The following ROBO2 variants were observed in gnomAD, a reference collection of about 807,000 sequenced individuals.
The protein encoded by ROBO2 is roundabout guidance receptor 2.
In ROBO2, 53 loss-of-function variants were observed where a neutral mutation model predicts 160.8. The observed-to-expected ratio is 0.33, with a 90% CI of 0.26 to 0.41. The LOEUF (loss-of-function observed/expected upper bound fraction) is 0.41, where lower values mean the gene tolerates loss of function less well. Ranked by LOEUF, ROBO2 falls within the 10% of genes least tolerant of loss-of-function variation. The pLI is 1.00. For synonymous variants in ROBO2, 664 were observed against 611.7 expected, an observed-to-expected ratio of 1.09 and a Z score of -1.26; for missense variants, 1,577 against 1,722.4, an observed-to-expected ratio of 0.92 and a Z score of 1.49.
At chr3:76,586,720 C>T (rs549322305) in intron 2 of ROBO2, among the ~76,000 whole-genome samples, 14 of 152,266 alleles carry the variant, frequency 9.2e-5, no homozygotes, top group African/African-American at 3.4e-4. Flanking sequence ...TTATTATTTC[C>T]TCTTGAGTGT....
chr3:76,967,930 A>G (rs942874225), intron 2 of ROBO2, among the ~76,000 whole-genome samples: 1 of 152,176 alleles, frequency 6.6e-6, no homozygotes, highest in African/African-American at 2.4e-5. Flanking sequence ...GCCACAAGAA[A>G]TGGATCTCAA....
chr3:77,590,793 C>CT lies in ROBO2; in HGVS notation c.2683+1868dup, dbSNP rs1014283225. On this transcript the variant is annotated intron_variant, in intron 17 of 25. Coordinates refer to ENST00000461745, the Ensembl canonical transcript of ROBO2. ...AAATTACACCAGAGAGACTTTTCTTCTTTTTTTTAACAGCAATTCTTTGCA... is the reference window on the plus strand; with the variant it reads ...AAATTACACCAGAGAGACTTTTCTTCTTTTTTTTTAACAGCAATTCTTTGCA... Among the ~76,000 whole-genome samples the CT allele has an allele frequency of 1.8e-4, 28 of 152,000 alleles. No homozygotes were observed. In the East Asian group the frequency reaches 4.8e-3, roughly 26 times the overall value.
chr3:77,499,671 C>T (rs532653179), intron 5 of ROBO2, among the ~76,000 whole-genome samples: 11 of 129,502 alleles, frequency 8.5e-5, no homozygotes, highest in African/African-American at 2.1e-4. Context: ...TTTTTTTTGA[C>T]GGAGTCTTAC....
At chr3:76,066,225 A>G (rs2068249709) in intron 2 of ROBO2, among the ~76,000 whole-genome samples, 3 of 152,182 alleles carry the variant, frequency 2.0e-5, no homozygotes, top group Non-Finnish European at 4.4e-5. Flanking sequence ...TGACATGCTA[A>G]TAACTCACTC....
intron 2 of ROBO2, among the ~76,000 whole-genome samples, chr3:76,534,617 C>T (rs2082396974): frequency 6.6e-6 from 1 of 152,110 alleles, no homozygotes. Flanking sequence ...AGCCTTCTAC[C>T]AACCAGCAGA....
intron 2 of ROBO2, among the ~76,000 whole-genome samples, chr3:76,900,853 T>C (rs2075168737): frequency 6.6e-6 from 1 of 152,202 alleles, no homozygotes; most frequent in African/African-American, 2.4e-5. Flanking sequence ...GGTGTTGAAC[T>C]GCTTCCTTTC....
intron 2 of ROBO2, among the ~76,000 whole-genome samples, chr3:76,144,333 TTAGC>T (rs1399085054): frequency 2.0e-5 from 3 of 152,054 alleles, no homozygotes; most frequent in Non-Finnish European, 4.4e-5. Flanking sequence ...TTGAAGTATT[TTAGC>T]TATTTATGAA....
chr3:76,860,951 T>C (rs918570788), intron 2 of ROBO2, among the ~76,000 whole-genome samples: 1 of 152,156 alleles, frequency 6.6e-6, no homozygotes, highest in East Asian at 1.9e-4. Context: ...GAGCTTTCTC[T>C]TCAGCCCATT....
chr3:76,941,488 C>A (rs73104449), intron 2 of ROBO2, among the ~76,000 whole-genome samples: 30,262 of 152,056 alleles, frequency 0.2, 3,150 homozygotes, highest in South Asian at 0.31. Context: ...TTGCAACTTT[C>A]TCCCTACCTC....
At chr3:76,440,453 G>A (rs2076876593) in intron 2 of ROBO2, among the ~76,000 whole-genome samples, 1 of 151,520 alleles carries the variant, frequency 6.6e-6, no homozygotes, top group Non-Finnish European at 1.5e-5. Flanking sequence ...CCCTGTAAAA[G>A]TACTTTACTT....
chr3:76,240,297 C>T (rs1705209021), intron 2 of ROBO2, among the ~76,000 whole-genome samples: 1 of 151,784 alleles, frequency 6.6e-6, no homozygotes, highest in African/African-American at 2.4e-5. Context: ...CACCCCCCGA[C>T]AGGCCCCAGT....
chr3:76,582,384 G>A (rs1328260469), intron 2 of ROBO2, among the ~76,000 whole-genome samples: 1 of 152,074 alleles, frequency 6.6e-6, no homozygotes, highest in Admixed American at 6.6e-5. Context: ...TTACACAGGA[G>A]AATTCAATTT....
intron 2 of ROBO2, among the ~76,000 whole-genome samples, chr3:76,419,384 A>G (rs1362776862): frequency 6.6e-6 from 1 of 152,208 alleles, no homozygotes; most frequent in East Asian, 1.9e-4. Flanking sequence ...CATGTAAATT[A>G]GATAACATTT....
At chr3:76,896,238 C>A (rs1479491944) in intron 2 of ROBO2, among the ~76,000 whole-genome samples, 1 of 152,112 alleles carries the variant, frequency 6.6e-6, no homozygotes, top group South Asian at 2.1e-4. Context: ...TCTAATATGT[C>A]TTTTATTGTT....
intron 5 of ROBO2, among the ~76,000 whole-genome samples, chr3:77,517,891 T>C (rs1375133843): frequency 6.6e-6 from 1 of 151,396 alleles, no homozygotes; most frequent in Non-Finnish European, 1.5e-5. Context: ...TCGTGTAGTG[T>C]ATTTGTAGTT....
intron 2 of ROBO2, among the ~76,000 whole-genome samples, chr3:77,144,946 T>C (rs1443167006): frequency 6.6e-6 from 1 of 152,208 alleles, no homozygotes; most frequent in Non-Finnish European, 1.5e-5. Flanking sequence ...TTTTTTGTCT[T>C]ATTTTAATCT....
chr3:76,269,361 C>G (rs1285051805), intron 2 of ROBO2, among the ~76,000 whole-genome samples: 1 of 152,032 alleles, frequency 6.6e-6, no homozygotes, highest in Non-Finnish European at 1.5e-5. Context: ...GTTGACCTCT[C>G]TCTTCTTGAA....
In ROBO2 at chr3:76,831,351, G is replaced by A. The variant is rs185876932; in HGVS notation, c.110-266663G>A. The stretch of plus-strand genomic sequence containing the variant: ...TCCCCTTATCTACTTAAAGAACTTT[G>A]AAAACACATTACTGATTTGATAAAT... On this transcript the variant is annotated intron_variant, in intron 2 of 26. Transcript: ENST00000487694. Among the ~76,000 whole-genome samples, 5 of 152,184 alleles carry A rather than the reference G, an allele frequency of 3.3e-5. No individual in the cohort carries two copies. The East Asian group carries it at 7.7e-4, about 24-fold the overall frequency.
At chr3:77,414,011 T>G (rs2077011762) in intron 2 of ROBO2, among the ~76,000 whole-genome samples, 1 of 151,846 alleles carries the variant, frequency 6.6e-6, no homozygotes, top group Non-Finnish European at 1.5e-5. Flanking sequence ...TGTGGAGGCA[T>G]AAGAGATCCC....
Sources: gnomAD v4.1 joint callset for allele counts (sites outside exome capture counted in the v4.1 genomes callset) on GRCh38, gnomAD v4.1.1 for gene constraint, MANE v1.5 for transcripts, NCBI Gene and HGNC (gene_info 2026-07-23, HGNC 2026-07-21) for gene names.